The following TBC1D8 variants were observed in gnomAD, a reference collection of about 807,000 sequenced individuals.
The protein encoded by TBC1D8 is BUB2-like protein 1.
TBC1D8 carries 65 observed loss-of-function variants against 118.8 expected under a neutral mutation model. The ratio of observed to expected loss-of-function variants is 0.55; its 90% confidence interval spans 0.45 to 0.67. TBC1D8 has a LOEUF of 0.67. Among genes scored for constraint, TBC1D8 ranks in the 30% least tolerant of loss-of-function variants. The probability of loss-of-function intolerance (pLI) is 0.00; values close to 1 mark genes in which losing one functional copy is unlikely to be tolerated. For missense variants in TBC1D8, 1,376 were observed against 1,471.2 expected (o/e 0.94, Z 1.06); for synonymous variants, 566 against 595.8 (o/e 0.95, Z 0.73).
chr2:101,018,146 A>G lies in TBC1D8; in HGVS notation c.2827+3535T>C. The G allele has an allele frequency of 5.9e-6, 3 of 507,722 alleles. No homozygotes were observed. The South Asian group carries it at 9.3e-5, about 16-fold the overall frequency. The allele number at this position is 507,722 out of a possible 1,614,324, so 31.5% of individuals were successfully genotyped here. On this transcript the variant is annotated intron_variant, in intron 17 of 19. Transcript: ENST00000409318. ...TTTCAGAATAACAAAGCTTTCCCTC[A>G]TTCATACAGATATTGCTGTACTAAT...
intron 2 of TBC1D8, among the ~76,000 whole-genome samples, chr2:101,086,275 TAAC>T (rs1215658504): frequency 6.6e-6 from 1 of 151,462 alleles, no homozygotes; most frequent in African/African-American, 2.4e-5. Context: ...ATGAAAAAGA[TAAC>T]AAAAAACAGA....
intron 17 of TBC1D8, among the ~76,000 whole-genome samples, chr2:101,012,859 A>T (rs1679332749): frequency 6.6e-6 from 1 of 152,242 alleles, no homozygotes; most frequent in Non-Finnish European, 1.5e-5. Flanking sequence ...AAGCTTTGGA[A>T]AGCTACCCTT....
In TBC1D8 at chr2:101,029,538, G is replaced by A. The variant is rs1680548581; in HGVS notation, c.2175C>T (p.Asp725=). 2 of 1,613,978 alleles carry A rather than the reference G, an allele frequency of 1.2e-6. No homozygotes were observed. Among genetic ancestry groups the A allele is most frequent in the Non-Finnish European group, 1.7e-6 (2 of 1,179,892 alleles). ...GGCCATCATCCTTGCTGCTGCACAGGTCCTCAGCATTGGCCTCAAGCACAG... is the reference window on the plus strand; with the variant it reads ...GGCCATCATCCTTGCTGCTGCACAGATCCTCAGCATTGGCCTCAAGCACAG... The part of the protein sequence containing the change: ...GLAVLEANAE[D]LCSSKDDGQA... The change falls in exon 12 of 20, where the codon GAC becomes GAT. Residue 725 remains aspartate (D), a synonymous_variant. Coordinates refer to ENST00000409318, the MANE Select transcript of TBC1D8 (RefSeq NM_001330348.2).
chr2:101,076,737 C>A (rs1674847821), intron 2 of TBC1D8, among the ~76,000 whole-genome samples: 1 of 152,246 alleles, frequency 6.6e-6, no homozygotes, highest in African/African-American at 2.4e-5. Flanking sequence ...GAGATCTGCT[C>A]TAACCAATCC....
chr2:101,136,663 T>G (rs979473179), intron 1 of TBC1D8, among the ~76,000 whole-genome samples: 1 of 152,204 alleles, frequency 6.6e-6, no homozygotes, highest in Non-Finnish European at 1.5e-5. Context: ...GTATGCACAC[T>G]TGTGCATACA....
In TBC1D8 at chr2:101,029,693, C is replaced by G; in HGVS notation, c.2020G>C (p.Ala674Pro). The change falls in exon 12 of 20, where the codon GCC becomes CCC. Residue 674 changes from alanine (A) to proline (P), a missense_variant. Transcript: ENST00000409318. ...CACGAGAGAGAGACGGACGCCAGGG[C>G]TGAGAGGTCGTTCATGTGCTCTGCC... ...ELAEHMNDLS[A>P]LASVSLSWFL... 6.2e-7 allele frequency: 1 copy of G among 1,614,004 alleles called. No homozygotes were observed. Among genetic ancestry groups the G allele is most frequent in the Non-Finnish European group, 8.5e-7 (1 of 1,179,890 alleles).
intron 19 of TBC1D8, among the ~76,000 whole-genome samples, chr2:101,010,592 A>G (rs376919778): frequency 7.2e-5 from 11 of 152,220 alleles, no homozygotes; most frequent in African/African-American, 2.6e-4. Context: ...CTGAAAAAAC[A>G]GTTAATTCTC....
chr2:101,033,356 G>A (rs1027992852), intron 10 of TBC1D8, 188 bp downstream of exon 10: 19 of 731,430 alleles, frequency 2.6e-5, no homozygotes, highest in African/African-American at 1.0e-4. Flanking sequence ...CTCATGATCC[G>A]TTGATTATAA....
intron 1 of TBC1D8, among the ~76,000 whole-genome samples, chr2:101,121,695 A>G (rs1678116383): frequency 6.6e-6 from 1 of 152,256 alleles, no homozygotes; most frequent in South Asian, 2.1e-4. Flanking sequence ...GAGGGACACA[A>G]ACATTTAGAC....
At chr2:101,135,446 C>A (rs958013865) in intron 1 of TBC1D8, among the ~76,000 whole-genome samples, 2 of 152,092 alleles carry the variant, frequency 1.3e-5, no homozygotes, top group African/African-American at 4.8e-5. Context: ...CCACCAACCT[C>A]ACCTAACAGC....
chr2:101,095,333 G>A, intron 1 of TBC1D8, among the ~76,000 whole-genome samples: 1 of 150,372 alleles, frequency 6.7e-6, no homozygotes, highest in Middle Eastern at 3.4e-3. Flanking sequence ...CATGTGCCAT[G>A]TTGGTGTGCT....
chr2:101,011,082 A>G, intron 18 of TBC1D8, 56 bp from the exon 19 acceptor site: 1 of 1,542,462 alleles, frequency 6.5e-7, no homozygotes, highest in Middle Eastern at 1.7e-4. Flanking sequence ...AGTGACAGCA[A>G]AAAGGAAACT....
intron 5 of TBC1D8, among the ~76,000 whole-genome samples, chr2:101,043,777 TAA>T (rs1316519433): frequency 6.6e-6 from 1 of 151,966 alleles, no homozygotes; most frequent in African/African-American, 2.4e-5. Context: ...CCGCCTCTAC[TAA>T]AAATACAAAA....
chr2:101,077,259 G>A (rs376956384), intron 2 of TBC1D8, among the ~76,000 whole-genome samples: 58 of 141,618 alleles, frequency 4.1e-4, no homozygotes, highest in African/African-American at 1.5e-3. Context: ...TCCTGACCTC[G>A]TGATCGACCC....
chr2:101,026,354 C>T (rs1489759978), intron 15 of TBC1D8, among the ~76,000 whole-genome samples: 2 of 152,174 alleles, frequency 1.3e-5, no homozygotes, highest in African/African-American at 4.8e-5. Context: ...AGTTTGCCTT[C>T]GCACAACAAA....
chr2:101,069,829 A>C (rs1332065129), intron 2 of TBC1D8, among the ~76,000 whole-genome samples: 1 of 151,922 alleles, frequency 6.6e-6, no homozygotes, highest in Non-Finnish European at 1.5e-5. Flanking sequence ...AAATTAAATT[A>C]TTCACTATTC....
chr2:101,054,149 A>G lies in TBC1D8; in HGVS notation c.590T>C (p.Ile197Thr). Residue 197 changes from isoleucine to threonine, a missense_variant, in exon 4 of 20, where the codon ATC (isoleucine) becomes ACC (threonine). Ile to Thr is a moderately conservative substitution (Grantham distance 89). Coordinates refer to ENST00000409318, the MANE Select transcript of TBC1D8 (RefSeq NM_001330348.2). ...VPRQGWLYLS[I>T]NHLCFYSFFL... ...GAAGGAGTAGAAGCAGAGGTGGTTG[A>G]TGCTGAGGTACAGCCAGCCCTGGCG... 1 of 1,613,526 alleles carries G rather than the reference A, an allele frequency of 6.2e-7. No individual in the cohort carries two copies. The highest frequency in any genetic ancestry group is 1.3e-5 in the African/African-American group (1 of 75,042).
chr2:101,027,537 G>A, intron 14 of TBC1D8, 86 bp from the exon 15 acceptor site: 1 of 1,188,222 alleles, frequency 8.4e-7, no homozygotes, highest in Non-Finnish European at 1.3e-6. Context: ...TCCTCCTGAA[G>A]GGGACACAAG....
chr2:101,099,231 G>A (rs759507904), intron 1 of TBC1D8, among the ~76,000 whole-genome samples: 7 of 152,062 alleles, frequency 4.6e-5, no homozygotes, highest in Non-Finnish European at 8.8e-5. Context: ...ACTATAAATA[G>A]TTCCACACAA....
Sources: gnomAD v4.1 joint callset for allele counts (sites outside exome capture counted in the v4.1 genomes callset) on GRCh38, gnomAD v4.1.1 for gene constraint, MANE v1.5 for transcripts, NCBI Gene and HGNC (gene_info 2026-07-23, HGNC 2026-07-21) for gene names.